Variants in CHD1L observed in about 807,000 individuals in gnomAD.
CHD1L encodes the protein chromodomain helicase DNA binding protein 1 like.
In CHD1L, 118 loss-of-function variants were observed where a neutral mutation model predicts 115.9. The ratio of observed to expected loss-of-function variants is 1.02; its 90% CI spans 0.88 to 1.19. The LOEUF is 1.19. CHD1L is among the 50% of genes most tolerant of loss of function. The probability of loss-of-function intolerance (pLI) is 0.00; values close to 1 mark genes in which losing one functional copy is unlikely to be tolerated. For missense variants in CHD1L, 1,179 were observed against 1,065.3 expected (o/e 1.11, Z -1.49); for synonymous variants, 411 against 387.1 (o/e 1.06, Z -0.72).
the CHD1L span, among the ~76,000 whole-genome samples, chr1:147,196,983 A>G: frequency 6.6e-6 from 1 of 150,902 alleles, no homozygotes; most frequent in Admixed American, 6.6e-5. Context: ...TTCCCATTTC[A>G]CTCCTCTCTA....
chr1:147,255,291 G>A (rs180855106), intron 3 of CHD1L, among the ~76,000 whole-genome samples: 24 of 152,268 alleles, frequency 1.6e-4, no homozygotes, highest in African/African-American at 5.3e-4. Context: ...GCAATGGCAC[G>A]ATCTTGGCTC....
In CHD1L at chr1:147,270,935, C is replaced by T. The variant is rs782725787; in HGVS notation, c.1089C>T (p.Gly363=). ...TTCCTTTTCTTTTTCTTGCCAGGGG[C>T]CATCGGGTTTTACTTTTCTCCCAAA... The part of the protein sequence containing the change: ...DKLLAFLYSG[G]HRVLLFSQMT... The change falls in exon 11 of 23, where the codon GGC becomes GGT. Residue 363 remains glycine, a synonymous_variant. Coordinates refer to ENST00000369258, the MANE Select transcript of CHD1L (RefSeq NM_004284.6). The T allele has an allele frequency of 8.1e-6, 13 of 1,613,802 alleles. No homozygotes were observed. The highest frequency in any genetic ancestry group is 1.3e-5 in the African/African-American group (1 of 74,998).
At chr1:147,223,904 A>C in the CHD1L span, 2 of 368,214 alleles carry the variant, frequency 5.4e-6, no homozygotes, top group Non-Finnish European at 1.0e-5. Flanking sequence ...GTTGTCCTGG[A>C]CTGAGAAGAA....
intron 1 of CHD1L, among the ~76,000 whole-genome samples, chr1:147,249,031 C>CA (rs1667520963): frequency 6.6e-6 from 1 of 152,310 alleles, no homozygotes; most frequent in Non-Finnish European, 1.5e-5. Context: ...GCTGCATTCT[C>CA]ACCTTGATGT....
chr1:147,214,399 C>T, the CHD1L span, among the ~76,000 whole-genome samples: 1,695 of 150,536 alleles, frequency 0.011, 91 homozygotes, highest in East Asian at 0.17. Context: ...TGCAGTGAGC[C>T]GAGATCGTGT....
At chr1:147,276,282 A>G (rs1678441923) in intron 14 of CHD1L, 25 bp downstream of exon 14, 2 of 1,612,790 alleles carry the variant, frequency 1.2e-6, no homozygotes, top group Admixed American at 3.3e-5. Flanking sequence ...ACTGTTCTTC[A>G]CTTTGGAATA....
At chr1:147,259,548 A>C in intron 5 of CHD1L, 1 of 254,176 alleles carries the variant, frequency 3.9e-6, no homozygotes, top group Non-Finnish European at 7.6e-6. Flanking sequence ...GTCTGGCACA[A>C]AGTAGGAGAT....
the CHD1L span, among the ~76,000 whole-genome samples, chr1:147,220,932 G>A: frequency 9.7e-6 from 1 of 102,762 alleles, no homozygotes; most frequent in Non-Finnish European, 1.9e-5. Context: ...CATAAAATGA[G>A]TTTTAAGTTT....
chr1:147,178,092 G>A, the CHD1L span: 10 of 1,484,348 alleles, frequency 6.7e-6, no homozygotes, highest in East Asian at 2.1e-4. Context: ...CCTTCCGGCT[G>A]CCCCCACCCC....
the CHD1L span, among the ~76,000 whole-genome samples, chr1:147,193,574 T>G: frequency 6.6e-6 from 1 of 152,082 alleles, no homozygotes; most frequent in South Asian, 2.1e-4. Flanking sequence ...GCTCTTGCTT[T>G]TCTAGTTCTT....
Position 147,285,366 on chromosome 1 carries a change from C to A in CHD1L, c.1897C>A (p.Arg633=), listed in dbSNP as rs200997862. ...TGTGGAGGGATCTACCAAAAGGAAGCGGGTTCTGAGTCCAGAAGAGCTGGA... is the reference window on the plus strand; with the variant it reads ...TGTGGAGGGATCTACCAAAAGGAAGAGGGTTCTGAGTCCAGAAGAGCTGGA... ...GLVEGSTKRK[R]VLSPEELEDR... The change falls in exon 17 of 23, where the codon CGG becomes AGG. Residue 633 remains arginine (R), a synonymous_variant. Transcript: ENST00000369258. 6.2e-7 allele frequency: 1 copy of A among 1,613,674 alleles called. No homozygotes were observed. Among genetic ancestry groups the A allele is most frequent in the Non-Finnish European group, 8.5e-7 (1 of 1,179,804 alleles).
In CHD1L at chr1:147,270,993, A is replaced by G; in HGVS notation, c.1147A>G (p.Met383Val). 7 of 1,613,916 alleles carry G rather than the reference A, an allele frequency of 4.3e-6. No homozygotes were observed. Among genetic ancestry groups the G allele is most frequent in the Non-Finnish European group, 5.9e-6 (7 of 1,179,856 alleles). ...TQMLDILQDY[M>V]DYRGYSYERV... ...GATGTTGGATATTCTCCAAGACTATATGGATTACAGAGGTGACACCTTTTG... is the reference window on the plus strand; with the variant it reads ...GATGTTGGATATTCTCCAAGACTATGTGGATTACAGAGGTGACACCTTTTG... Residue 383 changes from methionine to valine, a missense_variant, in exon 11 of 23, where the codon ATG becomes GTG. Physicochemically the swap from Met to Val is conservative, Grantham distance 21 (BLOSUM62 1). Transcript: ENST00000369258.
chr1:147,180,265 T>C, the CHD1L span, among the ~76,000 whole-genome samples: 1 of 152,098 alleles, frequency 6.6e-6, no homozygotes, highest in Admixed American at 6.5e-5. Context: ...GAAAAAAGAC[T>C]CTGAAAAGAA....
chr1:147,284,561 A>C (rs1462251579), intron 16 of CHD1L, 62 bp downstream of exon 16: 3 of 775,258 alleles, frequency 3.9e-6, no homozygotes, highest in African/African-American at 2.0e-5. Flanking sequence ...AACAAACAAA[A>C]AAATGATGCT....
At chr1:147,201,170 C>T in the CHD1L span, 16 of 1,612,684 alleles carry the variant, frequency 9.9e-6, no homozygotes, top group Non-Finnish European at 1.3e-5. Context: ...ACCTGAGTGG[C>T]CCAGCGTCCT....
At chr1:147,233,524 G>A in the CHD1L span, among the ~76,000 whole-genome samples, 27 of 150,254 alleles carry the variant, frequency 1.8e-4, no homozygotes, top group African/African-American at 4.7e-4. Context: ...GGTGAGGGGC[G>A]CCTCTGCCCG....
intron 2 of CHD1L, among the ~76,000 whole-genome samples, chr1:147,253,829 G>C (rs587618815): frequency 1.2e-4 from 18 of 152,294 alleles, no homozygotes; most frequent in African/African-American, 4.3e-4. Context: ...TATATAGTTT[G>C]TATTTTGTTA....
At chr1:147,181,532 G>A in the CHD1L span, among the ~76,000 whole-genome samples, 26 of 152,188 alleles carry the variant, frequency 1.7e-4, no homozygotes, top group Non-Finnish European at 3.7e-4. Flanking sequence ...TGAGGTTTGC[G>A]GAGATAGGTT....
At chr1:147,288,773 G>T (rs1229375794) in intron 19 of CHD1L, among the ~76,000 whole-genome samples, 1 of 152,148 alleles carries the variant, frequency 6.6e-6, no homozygotes, top group East Asian at 1.9e-4. Context: ...TGTGTTAAGA[G>T]GTCAGCACAA....
Sources: gnomAD v4.1 joint callset for allele counts (sites outside exome capture counted in the v4.1 genomes callset) on GRCh38, gnomAD v4.1.1 for gene constraint, MANE v1.5 for transcripts, NCBI Gene and HGNC (gene_info 2026-07-23, HGNC 2026-07-21) for gene names.